Variants in GNB1 observed in about 807,000 individuals in gnomAD.
The protein encoded by GNB1 is G protein subunit beta 1, also known as guanine nucleotide-binding protein G(I)/G(S)/G(T) subunit beta-1.
A neutral mutation model predicts 42.9 loss-of-function variants in GNB1; 2 were observed. The ratio of observed to expected loss-of-function variants is 0.05; its 90% CI spans 0.02 to 0.15. The LOEUF is 0.15. Ranked by LOEUF, GNB1 falls within the 10% of genes least tolerant of loss-of-function variation. GNB1 has a pLI of 1.00. For synonymous variants in GNB1, 183 were observed against 174.7 expected, an observed-to-expected ratio of 1.05 and a Z score of -0.38; for missense variants, 193 against 462.2, an observed-to-expected ratio of 0.42 and a Z score of 5.34.
At chr1:1,890,577 C>T (rs1175943986) in intron 1 of GNB1, among the ~76,000 whole-genome samples, 1 of 148,708 alleles carries the variant, frequency 6.7e-6, no homozygotes, top group Non-Finnish European at 1.5e-5. Context: ...CGAAACTCGG[C>T]CCCCAGCCTT....
At chr1:1,874,904 G>A (rs905465374) in intron 1 of GNB1, among the ~76,000 whole-genome samples, 3 of 152,174 alleles carry the variant, frequency 2.0e-5, no homozygotes, top group Non-Finnish European at 4.4e-5. Context: ...TTTTGTGAAG[G>A]ACAATTTTTC....
rs1247960486 is a variant in GNB1 at position 1,804,247 on chromosome 1, C to T, written c.430+172G>A. 3.9e-5 allele frequency among the ~76,000 whole-genome samples: 6 copies of T among 151,900 alleles called. No individual in the cohort carries two copies. The East Asian group carries it at 9.7e-4, about 24-fold the overall frequency. The stretch of plus-strand genomic sequence containing the variant: ...CCAGGAGGCGGAGCGTGCAGTGAGC[C>T]GAGATCACGCCACCGCACTCCAGCC... On this transcript the variant is annotated intron_variant, in intron 7 of 11. Transcript: ENST00000378609.
rs1034537760 is a variant in GNB1, at chr1:1,787,565, A to G, written c.917-128T>C. 57 of 579,622 alleles carry G rather than the reference A, an allele frequency of 9.8e-5. No homozygotes were observed. The African/African-American group carries it at 1.0e-3, about 11-fold the overall frequency. The allele number at this position is 579,622 out of a possible 1,614,324, so 35.9% of individuals were successfully genotyped here. A position where few individuals can be genotyped will look rare whatever the true frequency, so the allele number is the denominator to read the frequency against. ...AGACCCAGAGTCTCCCACGGCCAGGAAGGGAGGGAAAGTTGCATCCACGTG... is the reference window on the plus strand; with the variant it reads ...AGACCCAGAGTCTCCCACGGCCAGGGAGGGAGGGAAAGTTGCATCCACGTG... On this transcript the variant is annotated intron_variant, in intron 10 of 11. Transcript: ENST00000378609. This position sits in a 1 kb window ranked among gnomAD's most constrained non-coding sequence, Gnocchi z 4.4.
chr1:1,885,938 G>T (rs1015325225), intron 1 of GNB1, among the ~76,000 whole-genome samples: 1 of 149,862 alleles, frequency 6.7e-6, no homozygotes, highest in Non-Finnish European at 1.5e-5. Context: ...CTGAAAGCCA[G>T]GAGTAATTTC....
intron 2 of GNB1, among the ~76,000 whole-genome samples, chr1:1,836,876 T>G (rs1235225308): frequency 8.2e-6 from 1 of 121,594 alleles, no homozygotes; most frequent in Admixed American, 8.0e-5. Flanking sequence ...TTTTTTTTTT[T>G]GAAGAGACAG....
intron 1 of GNB1, among the ~76,000 whole-genome samples, chr1:1,850,819 T>TATTCAATA (rs1647940428): frequency 6.6e-6 from 1 of 152,206 alleles, no homozygotes. Context: ...TATCAGATGA[T>TATTCAATA]ATTCAATAAA....
intron 1 of GNB1, among the ~76,000 whole-genome samples, chr1:1,879,780 C>CATTT (rs1322651065): frequency 6.6e-6 from 1 of 151,604 alleles, no homozygotes; most frequent in Non-Finnish European, 1.5e-5. Context: ...TTACATTTTA[C>CATTT]ATTTACCTTG....
At chr1:1,887,178 A>G (rs1272736934) in intron 1 of GNB1, among the ~76,000 whole-genome samples, 1 of 152,264 alleles carries the variant, frequency 6.6e-6, no homozygotes, top group Non-Finnish European at 1.5e-5. Context: ...ACAGACAGTA[A>G]GAATGTAATC....
At chr1:1,830,326 T>C (rs1236163521) in intron 2 of GNB1, among the ~76,000 whole-genome samples, 3 of 151,568 alleles carry the variant, frequency 2.0e-5, no homozygotes, top group Non-Finnish European at 2.9e-5. Flanking sequence ...AGTGGCGCGA[T>C]CTCAGCTCAC....
At chr1:1,796,446 G>A (rs1291016614) in intron 7 of GNB1, among the ~76,000 whole-genome samples, 1 of 152,242 alleles carries the variant, frequency 6.6e-6, no homozygotes, top group African/African-American at 2.4e-5. Flanking sequence ...ATTCCTCTAA[G>A]TTCTTTTAGA....
At chr1:1,796,198 G>A (rs1646544075) in intron 7 of GNB1, among the ~76,000 whole-genome samples, 1 of 152,208 alleles carries the variant, frequency 6.6e-6, no homozygotes, top group African/African-American at 2.4e-5. Context: ...TGCATGTTCA[G>A]GTTGGGGGGT....
At chr1:1,805,291 T>G (rs1191890582) in intron 6 of GNB1, among the ~76,000 whole-genome samples, 1 of 151,928 alleles carries the variant, frequency 6.6e-6, no homozygotes, top group Non-Finnish European at 1.5e-5. Flanking sequence ...TGAAACCCTG[T>G]CTGTGCTAAA....
chr1:1,795,416 C>A (rs1013132547), intron 7 of GNB1, among the ~76,000 whole-genome samples: 6 of 152,130 alleles, frequency 3.9e-5, no homozygotes, highest in Non-Finnish European at 5.9e-5. Flanking sequence ...CTCAGCACAG[C>A]CTGCATCTCA....
At chr1:1,796,843 A>T (rs752257974) in intron 7 of GNB1, among the ~76,000 whole-genome samples, 3 of 152,152 alleles carry the variant, frequency 2.0e-5, no homozygotes, top group Non-Finnish European at 2.9e-5. Flanking sequence ...TCTCATAGGG[A>T]CCACTGGCTA....
At chr1:1,804,881 CG>C (rs1557890241) in intron 6 of GNB1, among the ~76,000 whole-genome samples, 1 of 151,966 alleles carries the variant, frequency 6.6e-6, no homozygotes, top group African/African-American at 2.4e-5. Context: ...CACATTAGGC[CG>C]GGTGCGGTCA....
chr1:1,823,506 T>C (rs1405860762), intron 3 of GNB1, among the ~76,000 whole-genome samples: 2 of 152,212 alleles, frequency 1.3e-5, no homozygotes, highest in African/African-American at 4.8e-5. Context: ...AATAATTTTA[T>C]ATCAAACTAA....
intron 1 of GNB1, among the ~76,000 whole-genome samples, chr1:1,856,059 G>GT (rs1225591243): frequency 3.9e-5 from 6 of 152,192 alleles, no homozygotes; most frequent in African/African-American, 1.2e-4. Flanking sequence ...ATCTTGCTCT[G>GT]TGACCCAGGC....
chr1:1,798,980 C>T (rs901583189), intron 7 of GNB1, among the ~76,000 whole-genome samples: 2 of 148,946 alleles, frequency 1.3e-5, no homozygotes, highest in African/African-American at 2.5e-5. Context: ...AGTGCGGTGG[C>T]GCGATCTCGG....
chr1:1,876,599 G>A (rs1649561588), intron 1 of GNB1, among the ~76,000 whole-genome samples: 1 of 152,056 alleles, frequency 6.6e-6, no homozygotes, highest in African/African-American at 2.4e-5. Flanking sequence ...GCCTAGGCTG[G>A]TCTCAATCTT....
Sources: gnomAD v4.1 joint callset for allele counts (sites outside exome capture counted in the v4.1 genomes callset) on GRCh38, gnomAD v4.1.1 for gene constraint, Gnocchi (gnomAD v3.1) non-coding constraint, MANE v1.5 for transcripts, NCBI Gene and HGNC (gene_info 2026-07-23, HGNC 2026-07-21) for gene names.